ARHGEF10: variants seen among roughly 807,000 people sequenced by gnomAD.
ARHGEF10 encodes Rho guanine nucleotide exchange factor (GEF) 10.
In ARHGEF10, 140 loss-of-function variants were observed where a neutral mutation model predicts 147.4. The ratio of observed to expected loss-of-function variants is 0.95; its 90% CI spans 0.83 to 1.09. The LOEUF is 1.09. ARHGEF10 is among the 50% of genes least tolerant of loss of function. The probability of loss-of-function intolerance (pLI) is 0.00; values close to 1 mark genes in which losing one functional copy is unlikely to be tolerated. For synonymous variants in ARHGEF10, 902 were observed against 695.8 expected, an observed-to-expected ratio of 1.30 and a Z score of -4.67; for missense variants, 2,222 against 1,752.7, an observed-to-expected ratio of 1.27 and a Z score of -4.78.
At chr8:1,867,644 A>G (rs1409495486) in intron 6 of ARHGEF10, among the ~76,000 whole-genome samples, 1 of 152,232 alleles carries the variant, frequency 6.6e-6, no homozygotes, top group East Asian at 1.9e-4. Context: ...AGGTGGCCAG[A>G]TCTGCAGTCC....
In ARHGEF10 at chr8:1,897,594, A is replaced by C. The variant is rs1036817305; in HGVS notation, c.1558-839A>C. On this transcript the variant is annotated intron_variant, in intron 14 of 28. Coordinates refer to ENST00000349830, the MANE Select transcript of ARHGEF10 (RefSeq NM_014629.4). The stretch of plus-strand genomic sequence containing the variant: ...CCTAAGGCATCGGATCGCAGTTCCC[A>C]CTCTCGACAGTTGTGGGCTCTGTCC... Among the ~76,000 whole-genome samples the C allele has an allele frequency of 9.7e-4, 138 of 141,888 alleles. 2 individuals are homozygous for C. The highest frequency in any genetic ancestry group is 5.8e-3 in the East Asian group (25 of 4,316). 93.1% of individuals were successfully genotyped at this position (141,888 alleles called of 152,430 possible). A position where few individuals can be genotyped will look rare whatever the true frequency, so the allele number is the denominator to read the frequency against.
chr8:1,942,403 T>TGA lies in ARHGEF10; in HGVS notation c.3223-3075_3223-3074dup, dbSNP rs569453037. Reference sequence around the variant, plus strand: ...AGGGAATCATGGAGCGAAACCACAGTGAGACACTGTGTCACACACTAGGAT... The same window carrying TGA: ...AGGGAATCATGGAGCGAAACCACAGTGAGAGACACTGTGTCACACACTAGGAT... On this transcript the variant is annotated intron_variant, in intron 26 of 28. Transcript: ENST00000349830. 4.3e-4 allele frequency among the ~76,000 whole-genome samples: 65 copies of TGA among 151,656 alleles called. 1 individual carries two copies. The highest frequency in any genetic ancestry group is 8.2e-4 in the Non-Finnish European group (56 of 67,930).
rs1815740479 is a variant in ARHGEF10 at position 1,958,350 on chromosome 8, G to A, written c.*1087G>A. ...AGCCCCGCGTGAGAACGTGCATAAT[G>A]AGTGCACACCATCATGTCAAGGTGC... is the stretch of plus-strand genomic sequence containing the variant. On this transcript the variant is annotated 3_prime_UTR_variant, in exon 29 of 29. Transcript: ENST00000349830. 1 of 152,182 alleles carries A rather than the reference G, an allele frequency of 6.6e-6. No homozygotes were observed. The highest frequency in any genetic ancestry group is 6.6e-5 in the Admixed American group (1 of 15,262). The allele number at this position is 152,182 out of a possible 1,614,324, so 9.4% of individuals were successfully genotyped here.
rs1374992084 is a variant in ARHGEF10 at position 1,948,729 on chromosome 8, C to G, written c.3397+3074C>G. Among the ~76,000 whole-genome samples the G allele has an allele frequency of 3.3e-5, 5 of 152,190 alleles. No homozygotes were observed. The highest frequency in any genetic ancestry group is 1.3e-4 in the Admixed American group (2 of 15,286). On this transcript the variant is annotated intron_variant, in intron 27 of 28. Transcript: ENST00000349830. The surrounding 1 kb of genome is among the most constrained non-coding windows in gnomAD (Gnocchi z 4.9). ...CCTCCAGAGAGTCCTTTCATCTCAT[C>G]TCCTCTGTCTAGTCGTCTTTGCCTT...
intron 17 of ARHGEF10, among the ~76,000 whole-genome samples, chr8:1,908,227 AT>A (rs11288174): frequency 0.32 from 35,493 of 109,894 alleles, 4,258 homozygotes; most frequent in East Asian, 0.42. Context: ...CCACACTTTG[AT>A]TTTTTTTTTT....
intron 25 of ARHGEF10, among the ~76,000 whole-genome samples, chr8:1,931,755 T>C (rs1267070598): frequency 1.3e-5 from 2 of 151,872 alleles, no homozygotes; most frequent in Admixed American, 6.6e-5. Flanking sequence ...GATTTTTAAG[T>C]GTTAGTTCAA....
rs549869494 is a variant in ARHGEF10 at position 1,861,326 on chromosome 8, C to T, written c.481+1142C>T. Reference sequence around the variant, plus strand: ...GACAGCGTGCAGTCCGTGGCTGCTTCGACTGCAGCCCAAGGGCTGGGGCCT... The same window carrying T: ...GACAGCGTGCAGTCCGTGGCTGCTTTGACTGCAGCCCAAGGGCTGGGGCCT... On this transcript the variant is annotated intron_variant, in intron 4 of 28. Coordinates refer to ENST00000349830, the MANE Select transcript of ARHGEF10 (RefSeq NM_014629.4). Among the ~76,000 whole-genome samples the T allele has an allele frequency of 2.6e-5, 4 of 152,358 alleles. No homozygotes were observed. The South Asian group carries it at 8.3e-4, about 32-fold the overall frequency.
At position 1,880,059 on chromosome 8, in the gene ARHGEF10, C is replaced by T; in HGVS notation, c.855C>T (p.Asp285=). Residue 285 remains aspartate (D), a synonymous_variant, in exon 9 of 29, where the codon GAC becomes GAT. Transcript: ENST00000349830. ...TCTTTATGCTGTAGCTTTCTCATGACCTAACCCGTTTAAAGGAGCACTATG... is the reference window on the plus strand; with the variant it reads ...TCTTTATGCTGTAGCTTTCTCATGATCTAACCCGTTTAAAGGAGCACTATG... The part of the protein sequence containing the change: ...RSNHKKQLSH[D]LTRLKEHYEK... 1.2e-6 allele frequency: 2 copies of T among 1,612,290 alleles called. No homozygotes were observed. The highest frequency in any genetic ancestry group is 1.7e-6 in the Non-Finnish European group (2 of 1,178,310).
chr8:1,928,394 G>T (rs369649127), intron 23 of ARHGEF10, 33 bp from the exon 24 acceptor site: 4 of 1,603,810 alleles, frequency 2.5e-6, no homozygotes, highest in African/African-American at 2.7e-5. Context: ...CCACATGGTC[G>T]TTTTCTTCTT....
rs141907305 is a variant in ARHGEF10 at position 1,872,406 on chromosome 8, A to G, written c.679+3156A>G. On this transcript the variant is annotated intron_variant, in intron 7 of 28. Transcript: ENST00000349830. ...TAGCAGAAGCAAGGATGAGGTGAGAATTAGTTTATAATGTTAGCAGAAACT... is the reference window on the plus strand; with the variant it reads ...TAGCAGAAGCAAGGATGAGGTGAGAGTTAGTTTATAATGTTAGCAGAAACT... Among the ~76,000 whole-genome samples the G allele has an allele frequency of 1.4e-3, 213 of 152,328 alleles. 1 individual carries two copies. Among genetic ancestry groups the G allele is most frequent in the African/African-American group, 4.9e-3 (203 of 41,578 alleles).
chr8:1,847,725 T>C (rs1400337635), intron 2 of ARHGEF10, among the ~76,000 whole-genome samples: 1 of 152,194 alleles, frequency 6.6e-6, no homozygotes, highest in Non-Finnish European at 1.5e-5. Context: ...TGAAGCTGTT[T>C]GCAGCCTGGT....
intron 2 of ARHGEF10, among the ~76,000 whole-genome samples, chr8:1,847,283 T>G (rs1053896311): frequency 6.6e-6 from 1 of 152,110 alleles, no homozygotes; most frequent in Non-Finnish European, 1.5e-5. Context: ...TCTCATAAGT[T>G]TGGGGAGGAT....
rs528307207 is a variant in ARHGEF10, at chr8:1,937,687, G to A, written c.3222+3745G>A. Among the ~76,000 whole-genome samples, 1 of 152,262 alleles carries A rather than the reference G, an allele frequency of 6.6e-6. No individual in the cohort carries two copies. The highest frequency in any genetic ancestry group is 1.9e-4 in the East Asian group (1 of 5,196). On this transcript the variant is annotated intron_variant, in intron 26 of 28. Coordinates refer to ENST00000349830, the MANE Select transcript of ARHGEF10 (RefSeq NM_014629.4). The surrounding 1 kb of genome is among the most constrained non-coding windows in gnomAD (Gnocchi z 4.9). ...GGGGCTGGGGCAGCCCACAGGACCT[G>A]AGCCCACAAGATTCGAGCCCTGGGT...
chr8:1,874,710 C>G lies in ARHGEF10; in HGVS notation c.680-1861C>G, dbSNP rs1367579625. 2.0e-5 allele frequency among the ~76,000 whole-genome samples: 3 copies of G among 151,290 alleles called. No homozygotes were observed. The East Asian group carries it at 5.8e-4, about 29-fold the overall frequency. On this transcript the variant is annotated intron_variant, in intron 7 of 28. Transcript: ENST00000349830. ...AGACAGTCTGGAGGGAGAGTGCAGA[C>G]ACACACCGGGGTGTGTAAGCAGTGG... is the stretch of plus-strand genomic sequence containing the variant.
At chr8:1,953,097 T>G (rs1815186842) in intron 28 of ARHGEF10, among the ~76,000 whole-genome samples, 2 of 152,286 alleles carry the variant, frequency 1.3e-5, no homozygotes, top group Non-Finnish European at 1.5e-5. Context: ...CCTTTCTGTG[T>G]TTTATATTGT....
At chr8:1,879,191 C>T (rs568927575) in intron 8 of ARHGEF10, among the ~76,000 whole-genome samples, 23 of 152,272 alleles carry the variant, frequency 1.5e-4, no homozygotes, top group African/African-American at 5.5e-4. Flanking sequence ...GGGCCTCAGC[C>T]ACGTGCATCT....
At chr8:1,933,134 C>T (rs1045283629) in intron 25 of ARHGEF10, among the ~76,000 whole-genome samples, 1 of 152,170 alleles carries the variant, frequency 6.6e-6, no homozygotes, top group Non-Finnish European at 1.5e-5. Flanking sequence ...TCACGACTGT[C>T]TAGGCTTCAA....
At chr8:1,833,881 C>T (rs1490124579) in intron 1 of ARHGEF10, among the ~76,000 whole-genome samples, 7 of 152,246 alleles carry the variant, frequency 4.6e-5, no homozygotes, top group African/African-American at 9.6e-5. Flanking sequence ...ACCATGACCC[C>T]TCCCCAAGTG....
At chr8:1,952,371 C>T (rs570586315) in intron 27 of ARHGEF10, among the ~76,000 whole-genome samples, 66 of 152,270 alleles carry the variant, frequency 4.3e-4, no homozygotes, top group African/African-American at 1.5e-3. Flanking sequence ...GCTACACGGC[C>T]CAGAAGCAAA....
Sources: allele counts gnomAD v4.1 joint callset (sites outside exome capture counted in the v4.1 genomes callset), GRCh38; gene constraint gnomAD v4.1.1; non-coding constraint Gnocchi (gnomAD v3.1); transcripts MANE v1.5; gene names NCBI Gene and HGNC (gene_info 2026-07-23, HGNC 2026-07-21).